ATP6V0A4: variants seen among roughly 807,000 people sequenced by gnomAD.
ATP6V0A4 encodes ATPase H+ transporting V0 subunit a4.
A neutral mutation model predicts 107.3 loss-of-function variants in ATP6V0A4; 86 were observed. That is an observed-to-expected ratio of 0.80 (90% CI 0.67 to 0.96). The LOEUF (loss-of-function observed/expected upper bound fraction) is 0.96. Among genes scored for constraint, ATP6V0A4 ranks in the 40% least tolerant of loss-of-function variants. The pLI, the probability that ATP6V0A4 is intolerant of heterozygous loss-of-function variation, is 0.00. For missense variants in ATP6V0A4, 908 were observed against 1,045.6 expected, an observed-to-expected ratio of 0.87 and a Z score of 1.81; for synonymous variants, 353 against 381.4, an observed-to-expected ratio of 0.93 and a Z score of 0.87.
intron 8 of ATP6V0A4, among the ~76,000 whole-genome samples, chr7:138,756,982 A>T (rs1260099461): frequency 6.6e-6 from 1 of 152,210 alleles, no homozygotes; most frequent in Non-Finnish European, 1.5e-5. Context: ...AGGTAAAGCC[A>T]TGCCCAATTT....
At position 138,745,962 on chromosome 7, in the gene ATP6V0A4, A is replaced by AAAATAT. The variant is rs1554396065; in HGVS notation, c.1321-683_1321-682insATATTT. ...CTGTCTCAAAAAAAAAAAAAAAAAA[A>AAAATAT]ATATATATATATATATAAAATATAT... On this transcript the variant is annotated intron_variant, in intron 13 of 21. Transcript: ENST00000310018. Among the ~76,000 whole-genome samples the AAAATAT allele has an allele frequency of 9.9e-4, 65 of 65,638 alleles. 2 individuals carry two copies. Among genetic ancestry groups the AAAATAT allele is most frequent in the African/African-American group, 4.1e-3 (61 of 14,936 alleles). The allele number at this position is 65,638 out of a possible 152,430, so 43.1% of individuals were successfully genotyped here.
At chr7:138,722,614 GC>G (rs2117213814) in intron 18 of ATP6V0A4, among the ~76,000 whole-genome samples, 2 of 150,706 alleles carry the variant, frequency 1.3e-5, no homozygotes, top group East Asian at 3.9e-4. Flanking sequence ...GCGTGGTGGT[GC>G]ATGCCTGTAA....
At chr7:138,742,900 C>CAAAA (rs563017805) in intron 14 of ATP6V0A4, among the ~76,000 whole-genome samples, 54,179 of 130,838 alleles carry the variant, frequency 0.41, 11,782 homozygotes, top group East Asian at 0.67. Context: ...AATTGCAAAG[C>CAAAA]AAAAAAAAAA....
intron 2 of ATP6V0A4, 36 bp from the exon 3 acceptor site, chr7:138,771,300 G>A: frequency 1.2e-6 from 2 of 1,604,690 alleles, no homozygotes; most frequent in African/African-American, 1.3e-5. Flanking sequence ...TAATATTTAA[G>A]GTAATAAATG....
At chr7:138,733,473 C>T (rs903052020) in intron 16 of ATP6V0A4, among the ~76,000 whole-genome samples, 1 of 142,206 alleles carries the variant, frequency 7.0e-6, no homozygotes, top group East Asian at 2.1e-4. Context: ...AAGCTTTTTC[C>T]TAAGAATGCT....
Position 138,762,978 on chromosome 7 carries a change from G to A in ATP6V0A4, c.339C>T (p.Asn113=), listed in dbSNP as rs755668544. Residue 113 remains asparagine (N), a synonymous_variant, in exon 6 of 22, where the codon AAC becomes AAT. Transcript: ENST00000310018. ...LEGELQEANQ[N]QQALKQSFLE... is the part of the protein sequence containing the mutation. ...GGAAGCTTTGTTTCAAGGCCTGCTG[G>A]TTCTGGTTGGCTTCCTGTAACTCTC... 1 of 1,614,092 alleles carries A rather than the reference G, an allele frequency of 6.2e-7. No homozygotes were observed. The highest frequency in any genetic ancestry group is 8.5e-7 in the Non-Finnish European group (1 of 1,180,020).
intron 6 of ATP6V0A4, 184 bp from the exon 7 acceptor site, chr7:138,762,618 C>A: frequency 1.4e-6 from 1 of 734,380 alleles, no homozygotes; most frequent in Non-Finnish European, 1.7e-6. Flanking sequence ...CCTACCAAAA[C>A]CCTAAAACTT....
intron 1 of ATP6V0A4, among the ~76,000 whole-genome samples, chr7:138,792,326 T>C (rs190269643): frequency 5.7e-4 from 87 of 152,278 alleles, no homozygotes; most frequent in African/African-American, 2.0e-3. Flanking sequence ...CTTCATATTA[T>C]CTATGAAAGT....
At chr7:138,780,520 G>A (rs973658410) in intron 2 of ATP6V0A4, among the ~76,000 whole-genome samples, 38 of 152,264 alleles carry the variant, frequency 2.5e-4, no homozygotes, top group African/African-American at 8.2e-4. Context: ...CCATCTTGAG[G>A]GCTCAGTGTT....
Position 138,721,952 on chromosome 7 carries a change from G to T in ATP6V0A4, c.2084C>A (p.Ser695Tyr), listed in dbSNP as rs773840632. ...GGTATCTGCAGAAGTCCTCTGGCCA[G>T]AACGGCTAGAAGGGCTGGAGCTATC... ...EGDSSSPSSR[S>Y]GQRTSADTHG... Residue 695 changes from serine to tyrosine, a missense_variant, in exon 19 of 22, where the codon TCT (serine) becomes TAT (tyrosine). Transcript: ENST00000310018. 9 of 1,614,142 alleles carry T rather than the reference G, an allele frequency of 5.6e-6. No homozygotes were observed. In the Admixed American group the frequency reaches 1.5e-4, roughly 27 times the overall value.
chr7:138,792,656 G>A (rs1180307840), intron 1 of ATP6V0A4, among the ~76,000 whole-genome samples: 2 of 152,016 alleles, frequency 1.3e-5, no homozygotes, highest in Non-Finnish European at 2.9e-5. Flanking sequence ...GGAGTGTAGT[G>A]ACTCCATCAT....
chr7:138,769,399 C>A, intron 3 of ATP6V0A4, 148 bp from the exon 4 acceptor site: 1 of 1,288,818 alleles, frequency 7.8e-7, no homozygotes, highest in South Asian at 1.5e-5. Context: ...ACTGTAACCT[C>A]CACCTCCTGG....
At chr7:138,761,401 A>G (rs4582476) in intron 7 of ATP6V0A4, among the ~76,000 whole-genome samples, 91,053 of 151,544 alleles carry the variant, frequency 0.6, 28,557 homozygotes, top group African/African-American at 0.8. Context: ...TTGGGAGGCC[A>G]AGGCAGGCGG....
intron 2 of ATP6V0A4, among the ~76,000 whole-genome samples, chr7:138,783,650 C>G (rs931650936): frequency 6.6e-6 from 1 of 152,050 alleles, no homozygotes; most frequent in Non-Finnish European, 1.5e-5. Flanking sequence ...CACTTGAGCT[C>G]GGGAGTGCAA....
At chr7:138,714,073 A>C (rs1803894234) in intron 20 of ATP6V0A4, among the ~76,000 whole-genome samples, 1 of 131,792 alleles carries the variant, frequency 7.6e-6, no homozygotes, top group Non-Finnish European at 1.6e-5. Flanking sequence ...CCCTACCTCT[A>C]CCAAAAAAAA....
In ATP6V0A4 at chr7:138,784,216, ATATATATATATATATATACG is replaced by A. The variant is rs1193170096; in HGVS notation, c.-18+1922_-18+1941del. 2.6e-3 allele frequency among the ~76,000 whole-genome samples: 217 copies of A among 84,654 alleles called. 4 individuals carry two copies. The highest frequency in any genetic ancestry group is 4.6e-3 in the African/African-American group (63 of 13,660). 55.5% of individuals were successfully genotyped at this position (84,654 alleles called of 152,430 possible). ...ATCCACCTATGAATCCTTAAACATT[ATATATATATATATATATACG>A]TATATATATATATATACATATATAT... is the stretch of plus-strand genomic sequence containing the variant. On this transcript the variant is annotated intron_variant, in intron 2 of 21. Coordinates refer to ENST00000310018, the MANE Select transcript of ATP6V0A4 (RefSeq NM_020632.3).
chr7:138,767,791 C>T (rs1414447903), intron 5 of ATP6V0A4, among the ~76,000 whole-genome samples: 4 of 152,170 alleles, frequency 2.6e-5, no homozygotes, highest in African/African-American at 4.8e-5. Context: ...CATGATCTGG[C>T]TCTGCCTACC....
rs1458100437 is a variant in ATP6V0A4, at chr7:138,707,189, ATATATAT to A, written c.2430-479_2430-473del. Among the ~76,000 whole-genome samples, 137 of 56,570 alleles carry A rather than the reference ATATATAT, an allele frequency of 2.4e-3. 3 individuals carry two copies. Among genetic ancestry groups the A allele is most frequent in the South Asian group, 0.02 (47 of 2,362 alleles). 37.1% of individuals were successfully genotyped at this position (56,570 alleles called of 152,430 possible). The stretch of plus-strand genomic sequence containing the variant: ...TATTATATATATTATATAATATATT[ATATATAT>A]TATATAATATATTATATTATATAGA... On this transcript the variant is annotated intron_variant, in intron 21 of 21. Coordinates refer to ENST00000310018, the MANE Select transcript of ATP6V0A4 (RefSeq NM_020632.3).
At chr7:138,710,689 A>G (rs1803694503) in intron 20 of ATP6V0A4, among the ~76,000 whole-genome samples, 1 of 152,230 alleles carries the variant, frequency 6.6e-6, no homozygotes, top group African/African-American at 2.4e-5. Context: ...ACAAGGGCAC[A>G]TGCCAGGTAC....
Sources: gnomAD v4.1 joint callset for allele counts (sites outside exome capture counted in the v4.1 genomes callset) on GRCh38, gnomAD v4.1.1 for gene constraint, MANE v1.5 for transcripts, NCBI Gene and HGNC (gene_info 2026-07-23, HGNC 2026-07-21) for gene names.